Variants in CEACAM7 observed in about 807,000 individuals in gnomAD.
CEACAM7 encodes the protein cell adhesion molecule CEACAM7.
In CEACAM7, 24 loss-of-function variants were observed where a neutral mutation model predicts 25.7. The observed-to-expected ratio is 0.93, with a 90% CI of 0.68 to 1.31. The LOEUF (loss-of-function observed/expected upper bound fraction) is 1.31. CEACAM7 is among the 40% of genes most tolerant of loss of function. CEACAM7 has a pLI of 0.00. For synonymous variants in CEACAM7, 144 were observed against 129.4 expected (o/e 1.11, Z -0.77); for missense variants, 324 against 330.1 (o/e 0.98, Z 0.14).
At chr19:41,679,800 TC>T (rs1360815466) in intron 3 of CEACAM7, among the ~76,000 whole-genome samples, 34 of 85,856 alleles carry the variant, frequency 4.0e-4, no homozygotes, top group South Asian at 1.5e-3. Flanking sequence ...TCTCTCTCTC[TC>T]TTTTTTTTTT....
Position 41,683,898 on chromosome 19 carries a change from T to C in CEACAM7, c.593A>G (p.Asn198Ser). The C allele has an allele frequency of 6.2e-7, 1 of 1,614,162 alleles. No individual in the cohort carries two copies. The highest frequency in any genetic ancestry group is 8.5e-7 in the Non-Finnish European group (1 of 1,180,020). The change falls in exon 3 of 5, where the codon AAC becomes AGC. Residue 198 changes from asparagine (N) to serine (S), a missense_variant. Transcript: ENST00000401731. The part of the protein sequence containing the change: ...VSPRLLLSTD[N>S]RTLVLLSATK... Reference sequence around the variant, plus strand: ...GGCGCTGAGTAGAACGAGGGTCCTGTTGTCAGTGGAGAGCAGCAGCCTGGG... The same window carrying C: ...GGCGCTGAGTAGAACGAGGGTCCTGCTGTCAGTGGAGAGCAGCAGCCTGGG...
At chr19:41,681,683 C>A (rs2072177216) in intron 3 of CEACAM7, among the ~76,000 whole-genome samples, 3 of 152,098 alleles carry the variant, frequency 2.0e-5, no homozygotes, top group East Asian at 1.9e-4. Flanking sequence ...CGTGAATGAA[C>A]CTTAAAGACG....
At chr19:41,682,671 A>T (rs2072186951) in intron 3 of CEACAM7, among the ~76,000 whole-genome samples, 1 of 152,242 alleles carries the variant, frequency 6.6e-6, no homozygotes, top group Non-Finnish European at 1.5e-5. Flanking sequence ...GTGAGCCGGA[A>T]GCAGAGCAGG....
chr19:41,682,098 C>A (rs1055470127), intron 3 of CEACAM7, among the ~76,000 whole-genome samples: 3 of 152,132 alleles, frequency 2.0e-5, no homozygotes, highest in Non-Finnish European at 4.4e-5. Context: ...GGCCATGTGC[C>A]ACCATGTTTC....
intron 1 of CEACAM7, 83 bp from the exon 2 acceptor site, chr19:41,687,304 T>C: frequency 2.8e-6 from 4 of 1,404,184 alleles, no homozygotes; most frequent in Non-Finnish European, 3.9e-6. Context: ...TGAGCAGGTC[T>C]CTTCACCCAC....
At position 41,688,175 on chromosome 19, in the gene CEACAM7, T is replaced by C. The variant is rs1555811441; in HGVS notation, c.-10A>G. On this transcript the variant is annotated 5_prime_UTR_variant, in exon 1 of 5. Coordinates refer to ENST00000401731, the MANE Select transcript of CEACAM7 (RefSeq NM_001291485.2). ...CTGAAGGGGACCCCATGGTCTCTGC[T>C]GCCTGCTTGTCCTCTGTGGAGAAGA... 1 of 1,609,682 alleles carries C rather than the reference T, an allele frequency of 6.2e-7. No individual in the cohort carries two copies. The highest frequency in any genetic ancestry group is 1.3e-5 in the African/African-American group (1 of 74,872).
At chr19:41,688,075 C>T in intron 1 of CEACAM7, 27 bp downstream of exon 1, 1 of 1,599,808 alleles carries the variant, frequency 6.3e-7, no homozygotes, top group South Asian at 1.1e-5. Context: ...CCTCCTCCCA[C>T]CCACTCCCAG....
At chr19:41,680,233 C>T (rs1416105351) in intron 3 of CEACAM7, among the ~76,000 whole-genome samples, 1 of 151,470 alleles carries the variant, frequency 6.6e-6, no homozygotes, top group African/African-American at 2.4e-5. Flanking sequence ...TATACTTAAC[C>T]AAGGAGGTGA....
chr19:41,685,304 G>A (rs2072215742), intron 2 of CEACAM7, among the ~76,000 whole-genome samples: 1 of 152,132 alleles, frequency 6.6e-6, no homozygotes, highest in African/African-American at 2.4e-5. Flanking sequence ...CAACACCTGG[G>A]TGGCTTCTTT....
chr19:41,674,658 C>A lies in CEACAM7; in HGVS notation c.*118G>T. ...AGTTGTCCACCTCCAGCTTATAGGT[C>A]TTCAGGAAGAGAGCAGGTCTTATAC... On this transcript the variant is annotated 3_prime_UTR_variant, in exon 5 of 5. Coordinates refer to ENST00000401731, the MANE Select transcript of CEACAM7 (RefSeq NM_001291485.2). 2.9e-6 allele frequency: 1 copy of A among 341,518 alleles called. No individual in the cohort carries two copies. Among genetic ancestry groups the A allele is most frequent in the South Asian group, 2.4e-5 (1 of 40,958 alleles). The allele number at this position is 341,518 out of a possible 1,614,324, so 21.2% of individuals were successfully genotyped here.
At chr19:41,675,060 C>T (rs2072100830) in intron 4 of CEACAM7, among the ~76,000 whole-genome samples, 1 of 152,214 alleles carries the variant, frequency 6.6e-6, no homozygotes, top group Non-Finnish European at 1.5e-5. Context: ...CCAAGGCTGA[C>T]TTCAGACTTT....
At chr19:41,683,138 T>C (rs1388982455) in intron 3 of CEACAM7, among the ~76,000 whole-genome samples, 2 of 152,226 alleles carry the variant, frequency 1.3e-5, no homozygotes, top group African/African-American at 4.8e-5. Context: ...CAGGGATCCA[T>C]GTACCACGGA....
intron 3 of CEACAM7, among the ~76,000 whole-genome samples, chr19:41,679,911 C>T (rs2072156384): frequency 6.9e-6 from 1 of 145,446 alleles, no homozygotes; most frequent in Admixed American, 7.0e-5. Context: ...AAATGATTCT[C>T]CTGCCTCAGC....
intron 3 of CEACAM7, among the ~76,000 whole-genome samples, 165 bp from the exon 4 acceptor site, chr19:41,677,668 G>A (rs1555810281): frequency 6.6e-6 from 1 of 152,174 alleles, no homozygotes; most frequent in Non-Finnish European, 1.5e-5. Context: ...AATTCTTGCA[G>A]GTTTTTTATC....
chr19:41,678,170 A>C (rs1555810328), intron 3 of CEACAM7, among the ~76,000 whole-genome samples: 2 of 152,026 alleles, frequency 1.3e-5, no homozygotes, highest in East Asian at 1.9e-4. Context: ...TGCATGTCTA[A>C]TCCCATCTTG....
chr19:41,687,341 G>A lies in CEACAM7; in HGVS notation c.65-120C>T, dbSNP rs1310452423. The A allele has an allele frequency of 9.5e-6, 9 of 952,256 alleles. No homozygotes were observed. In the South Asian group the frequency reaches 1.2e-4, roughly 13 times the overall value. 59.0% of individuals were successfully genotyped at this position (952,256 alleles called of 1,614,324 possible). ...CCCATCTTGAAGTAAGTGTGTGTGT[G>A]TGTGTGTGTGTCCTACTGGATCAAT... On this transcript the variant is annotated intron_variant, in intron 1 of 4. Coordinates refer to ENST00000401731, the MANE Select transcript of CEACAM7 (RefSeq NM_001291485.2).
rs1164359349 is a variant in CEACAM7 at position 41,684,102 on chromosome 19, C to CT, written c.428-40_428-39insA. 6 of 1,484,812 alleles carry CT rather than the reference C, an allele frequency of 4.0e-6. No homozygotes were observed. In the African/African-American group the frequency reaches 8.0e-5, roughly 20 times the overall value. The allele number at this position is 1,484,812 out of a possible 1,614,324, so 92.0% of individuals were successfully genotyped here. On this transcript the variant is annotated intron_variant, in intron 2 of 4. Transcript: ENST00000401731. ...AGAGAGAAAAGATTGCCCTGTGTGG[C>CT]CCCTTGGTTCCCCCACGGACATCTT...
At chr19:41,679,049 A>G (rs993780188) in intron 3 of CEACAM7, among the ~76,000 whole-genome samples, 7 of 152,224 alleles carry the variant, frequency 4.6e-5, no homozygotes, top group African/African-American at 1.7e-4. Context: ...TAGAAAAACA[A>G]TAGAGAAAAG....
rs377635257 is a variant in CEACAM7 at position 41,687,239 on chromosome 19, C to G, written c.65-18G>C. 2 of 1,574,262 alleles carry G rather than the reference C, an allele frequency of 1.3e-6. No homozygotes were observed. The highest frequency in any genetic ancestry group is 1.7e-6 in the Non-Finnish European group (2 of 1,160,500). ...AAGCGAGGCTAGGAGGGGGAGAGAA[C>G]ATCAGTCAATATTGGGACCTATGTA... is the stretch of plus-strand genomic sequence containing the variant. On this transcript the variant is annotated intron_variant, in intron 1 of 4. Coordinates refer to ENST00000401731, the MANE Select transcript of CEACAM7 (RefSeq NM_001291485.2).
Sources: gnomAD v4.1 joint callset for allele counts (sites outside exome capture counted in the v4.1 genomes callset) on GRCh38, gnomAD v4.1.1 for gene constraint, MANE v1.5 for transcripts, NCBI Gene and HGNC (gene_info 2026-07-23, HGNC 2026-07-21) for gene names.